Variants in PDE7B observed in about 807,000 individuals in gnomAD.
The protein encoded by PDE7B is 3',5'-cyclic-AMP phosphodiesterase 7B.
PDE7B carries 29 observed loss-of-function variants against 56.2 expected under a neutral mutation model. The ratio of observed to expected loss-of-function variants is 0.52; its 90% CI spans 0.38 to 0.70. The LOEUF is 0.70. Among genes scored for constraint, PDE7B ranks in the 30% least tolerant of loss-of-function variants. The pLI is 0.00. For synonymous variants in PDE7B, 197 were observed against 196.9 expected (o/e 1.00, Z 0.00); for missense variants, 490 against 565.0 (o/e 0.87, Z 1.35).
chr6:135,936,611 TG>T (rs1308031843), intron 1 of PDE7B, among the ~76,000 whole-genome samples: 1 of 152,188 alleles, frequency 6.6e-6, no homozygotes, highest in Admixed American at 6.5e-5. Flanking sequence ...GGTCCTTTTC[TG>T]GGTCAAATCT....
chr6:136,072,194 C>T (rs769153727), intron 2 of PDE7B, among the ~76,000 whole-genome samples: 3 of 152,032 alleles, frequency 2.0e-5, no homozygotes, highest in Non-Finnish European at 2.9e-5. Context: ...AGTTCCTGCC[C>T]TTAATGGGGA....
intron 1 of PDE7B, among the ~76,000 whole-genome samples, chr6:135,860,885 C>T (rs968239430): frequency 1.3e-5 from 2 of 151,512 alleles, no homozygotes; most frequent in African/African-American, 4.8e-5. Context: ...GCACACATAA[C>T]AGAAAATTAT....
At chr6:136,133,058 G>A (rs1366828360) in intron 3 of PDE7B, among the ~76,000 whole-genome samples, 1 of 151,958 alleles carries the variant, frequency 6.6e-6, no homozygotes, top group Non-Finnish European at 1.5e-5. Flanking sequence ...TTAAATCACA[G>A]AATCCACTCC....
intron 3 of PDE7B, among the ~76,000 whole-genome samples, chr6:136,123,898 A>C (rs1385748642): frequency 5.3e-5 from 8 of 152,190 alleles, no homozygotes; most frequent in African/African-American, 1.2e-4. Context: ...GAAATGACTA[A>C]TAGAGTAATA....
Position 136,147,163 on chromosome 6 carries a change from T to TAA in PDE7B, c.167-179_167-178dup, listed in dbSNP as rs35202440. Reference sequence around the variant, plus strand: ...TCTCAAAAAATAAATAAGTAAAAATTAAAAAAAAAACAAATATCAGGTATG... The same window carrying TAA: ...TCTCAAAAAATAAATAAGTAAAAATTAAAAAAAAAAAACAAATATCAGGTATG... On this transcript the variant is annotated intron_variant, in intron 3 of 12. Coordinates refer to ENST00000308191, the MANE Select transcript of PDE7B (RefSeq NM_018945.4). 6.9e-4 allele frequency among the ~76,000 whole-genome samples: 103 copies of TAA among 149,130 alleles called. 1 individual carries two copies. The highest frequency in any genetic ancestry group is 1.7e-3 in the African/African-American group (68 of 40,574).
At chr6:136,130,084 G>A (rs571278736) in intron 3 of PDE7B, among the ~76,000 whole-genome samples, 3 of 152,214 alleles carry the variant, frequency 2.0e-5, no homozygotes, top group South Asian at 4.2e-4. Context: ...ATAGTCGTAA[G>A]AATAAAAACA....
intron 2 of PDE7B, among the ~76,000 whole-genome samples, chr6:136,078,850 A>G (rs1237988654): frequency 1.3e-5 from 2 of 152,190 alleles, no homozygotes; most frequent in Non-Finnish European, 2.9e-5. Context: ...CACTTATTAC[A>G]AGTATTTTAA....
chr6:136,132,671 A>T (rs112666553), intron 3 of PDE7B, among the ~76,000 whole-genome samples: 51 of 152,326 alleles, frequency 3.3e-4, no homozygotes, highest in African/African-American at 1.2e-3. Flanking sequence ...GTATGGATTG[A>T]ATACATGGAA....
At chr6:136,174,411 C>T (rs1778944654) in intron 9 of PDE7B, among the ~76,000 whole-genome samples, 1 of 152,114 alleles carries the variant, frequency 6.6e-6, no homozygotes, top group African/African-American at 2.4e-5. Flanking sequence ...CCTTACGTCT[C>T]TTGCACTTTA....
intron 2 of PDE7B, among the ~76,000 whole-genome samples, chr6:135,994,873 CAGTG>C (rs1421015708): frequency 6.6e-6 from 1 of 152,162 alleles, no homozygotes; most frequent in Non-Finnish European, 1.5e-5. Flanking sequence ...GGCATAGAAA[CAGTG>C]AGTGCTATCA....
At chr6:135,910,861 T>G (rs1232979071) in intron 1 of PDE7B, among the ~76,000 whole-genome samples, 2 of 152,188 alleles carry the variant, frequency 1.3e-5, no homozygotes, top group African/African-American at 4.8e-5. Flanking sequence ...GATTATTTTA[T>G]GAGAATATTA....
intron 3 of PDE7B, among the ~76,000 whole-genome samples, chr6:136,125,345 A>G (rs1179233588): frequency 1.3e-5 from 2 of 152,170 alleles, no homozygotes; most frequent in Admixed American, 1.3e-4. Context: ...AGGCCAAGGC[A>G]GGAGGATCGC....
intron 1 of PDE7B, among the ~76,000 whole-genome samples, chr6:135,900,676 G>A (rs1775983935): frequency 6.6e-6 from 1 of 151,500 alleles, no homozygotes; most frequent in African/African-American, 2.4e-5. Context: ...TCTTCTTTTA[G>A]CCATGACAGT....
chr6:136,013,556 T>A (rs912955545), intron 2 of PDE7B, among the ~76,000 whole-genome samples: 1 of 152,182 alleles, frequency 6.6e-6, no homozygotes, highest in East Asian at 1.9e-4. Flanking sequence ...CAGTAGCACA[T>A]GGGAGGCCGT....
chr6:136,044,162 A>G (rs1776459468), intron 2 of PDE7B: 1 of 152,166 alleles, frequency 6.6e-6, no homozygotes, highest in African/African-American at 2.4e-5. Context: ...CTGAAGGAAA[A>G]TATGCCTTTC....
At chr6:136,150,184 G>A (rs995491533) in intron 5 of PDE7B, among the ~76,000 whole-genome samples, 2 of 152,172 alleles carry the variant, frequency 1.3e-5, no homozygotes, top group African/African-American at 4.8e-5. Flanking sequence ...AGAAGTCAAA[G>A]AGCCTCACAA....
chr6:136,175,749 A>G (rs980616778), intron 9 of PDE7B, among the ~76,000 whole-genome samples: 1 of 152,130 alleles, frequency 6.6e-6, no homozygotes, highest in Non-Finnish European at 1.5e-5. Context: ...ATGGTTTCCA[A>G]TATCCCAAAC....
intron 2 of PDE7B, among the ~76,000 whole-genome samples, chr6:136,005,550 G>A (rs1016826336): frequency 6.6e-5 from 10 of 152,136 alleles, no homozygotes; most frequent in East Asian, 1.9e-4. Flanking sequence ...TGAAGGACAC[G>A]AACAGACACT....
chr6:136,089,898 T>C (rs978268317), intron 2 of PDE7B, among the ~76,000 whole-genome samples: 3 of 152,210 alleles, frequency 2.0e-5, no homozygotes, highest in Non-Finnish European at 4.4e-5. Flanking sequence ...AGAAGGCACT[T>C]TTAGCTATTT....
Sources: gnomAD v4.1 joint callset for allele counts (sites outside exome capture counted in the v4.1 genomes callset) on GRCh38, gnomAD v4.1.1 for gene constraint, MANE v1.5 for transcripts, NCBI Gene and HGNC (gene_info 2026-07-23, HGNC 2026-07-21) for gene names.